Variants in SLC26A7 observed in about 807,000 individuals in gnomAD.
SLC26A7 encodes solute carrier family 26 member 7.
A neutral mutation model predicts 82.5 loss-of-function variants in SLC26A7; 59 were observed. That is an observed-to-expected ratio of 0.72 (90% confidence interval 0.58 to 0.89). The LOEUF (loss-of-function observed/expected upper bound fraction) is 0.89. SLC26A7 is among the 40% of genes least tolerant of loss of function. The probability of loss-of-function intolerance (pLI) is 0.00; values close to 1 mark genes in which losing one functional copy is unlikely to be tolerated. For synonymous variants in SLC26A7, 271 were observed against 274.3 expected (o/e 0.99, Z 0.12); for missense variants, 820 against 793.0 (o/e 1.03, Z -0.41).
At chr8:91,210,562 GACACACACACAC>G (rs35968986) in intron 1 of SLC26A7, among the ~76,000 whole-genome samples, 17 of 146,188 alleles carry the variant, frequency 1.2e-4, no homozygotes, top group East Asian at 4.2e-4. Context: ...CACACACACA[GACACACACACAC>G]ACACACACAC....
At chr8:91,314,465 G>A (rs1812575636) in intron 4 of SLC26A7, among the ~76,000 whole-genome samples, 1 of 152,074 alleles carries the variant, frequency 6.6e-6, no homozygotes, top group African/African-American at 2.4e-5. Flanking sequence ...AAATTTGAGT[G>A]GTGGGAAAGA....
At chr8:91,241,410 T>A (rs1396215469) in intron 2 of SLC26A7, among the ~76,000 whole-genome samples, 1 of 152,184 alleles carries the variant, frequency 6.6e-6, no homozygotes, top group Non-Finnish European at 1.5e-5. Flanking sequence ...CACTTTTCTA[T>A]ACTTTCTGAA....
intron 18 of SLC26A7, 31 bp from the exon 19 acceptor site, chr8:91,395,028 TAGC>T (rs1808530593): frequency 1.2e-6 from 2 of 1,606,182 alleles, no homozygotes; most frequent in African/African-American, 2.7e-5. Context: ...GTTGAGTAAA[TAGC>T]ACATACTTAC....
intron 3 of SLC26A7, 86 bp from the exon 4 acceptor site, chr8:91,295,445 A>G: frequency 1.4e-6 from 2 of 1,470,346 alleles, no homozygotes; most frequent in Middle Eastern, 1.8e-4. Context: ...TGGTTTCACA[A>G]TGTAGCTTCG....
intron 4 of SLC26A7, among the ~76,000 whole-genome samples, chr8:91,309,248 G>A (rs780695276): frequency 4.0e-5 from 6 of 151,134 alleles, no homozygotes; most frequent in African/African-American, 1.5e-4. Flanking sequence ...TATACGTTAT[G>A]TATATTAATT....
rs1026484193 is a variant in SLC26A7, at chr8:91,393,791, T to C, written c.1777-6T>C. The C allele has an allele frequency of 6.2e-7, 1 of 1,613,276 alleles. No individual in the cohort carries two copies. The highest frequency in any genetic ancestry group is 1.3e-5 in the African/African-American group (1 of 74,922). ...AATTGTGGGTATCCTATTTTAATTC[T>C]TCCAGGTTTACATGGACTGTAAAGG... On this transcript the variant is annotated splice_region_variant and splice_polypyrimidine_tract_variant and intron_variant, in intron 16 of 18. Coordinates refer to ENST00000276609, the MANE Select transcript of SLC26A7 (RefSeq NM_052832.4).
intron 2 of SLC26A7, among the ~76,000 whole-genome samples, chr8:91,262,641 C>T (rs1157601937): frequency 1.3e-5 from 2 of 151,742 alleles, no homozygotes; most frequent in African/African-American, 2.4e-5. Context: ...TGTAGGCCCA[C>T]AAGAATAGGA....
At chr8:91,359,588 G>T (rs989460662) in intron 11 of SLC26A7, among the ~76,000 whole-genome samples, 1 of 152,138 alleles carries the variant, frequency 6.6e-6, no homozygotes, top group African/African-American at 2.4e-5. Flanking sequence ...TATAGCAGGC[G>T]CATGATGATT....
At chr8:91,341,108 G>C (rs1813398856) in intron 8 of SLC26A7, among the ~76,000 whole-genome samples, 1 of 151,694 alleles carries the variant, frequency 6.6e-6, no homozygotes, top group African/African-American at 2.4e-5. Context: ...TCTAGCGTTA[G>C]GTATATCTCC....
intron 5 of SLC26A7, among the ~76,000 whole-genome samples, chr8:91,325,418 C>G (rs1416834158): frequency 6.6e-6 from 1 of 152,126 alleles, no homozygotes; most frequent in Non-Finnish European, 1.5e-5. Flanking sequence ...AAATTCCTCT[C>G]CCTTCAGGAA....
At chr8:91,248,609 A>C (rs1810581178), upstream of SLC26A7, among the ~76,000 whole-genome samples, 2 of 152,120 alleles carry the variant, frequency 1.3e-5, no homozygotes, top group South Asian at 4.1e-4. Context: ...AATCTTTGAC[A>C]GTCTGTTCTA....
In SLC26A7 at chr8:91,249,667, A is replaced by T; in HGVS notation, c.16A>T (p.Arg6Trp). The stretch of plus-strand genomic sequence containing the variant: ...AATCTGAAAAATGACAGGAGCAAAG[A>T]GGAAAAAGAAAAGCATGCTTTGGAG... MTGAK[R>W]KKKSMLWSKM... The change falls in exon 2 of 19, where the codon AGG becomes TGG. Residue 6 changes from arginine to tryptophan, a missense_variant. Coordinates refer to ENST00000276609, the MANE Select transcript of SLC26A7 (RefSeq NM_052832.4). 1 of 1,539,138 alleles carries T rather than the reference A, an allele frequency of 6.5e-7. No individual in the cohort carries two copies. The highest frequency in any genetic ancestry group is 8.7e-7 in the Non-Finnish European group (1 of 1,146,828).
intron 1 of SLC26A7, among the ~76,000 whole-genome samples, chr8:91,217,610 A>G (rs143288643): frequency 5.6e-4 from 86 of 152,216 alleles, no homozygotes; most frequent in African/African-American, 1.9e-3. Flanking sequence ...TTACATGGTC[A>G]TATATTGAGC....
chr8:91,382,182 A>G (rs562180699), intron 15 of SLC26A7, among the ~76,000 whole-genome samples: 1 of 152,326 alleles, frequency 6.6e-6, no homozygotes, highest in East Asian at 1.9e-4. Flanking sequence ...CTGTGACATA[A>G]TAACAGATTA....
chr8:91,351,890 A>T lies in SLC26A7; in HGVS notation c.1218+3A>T. 1.2e-6 allele frequency: 2 copies of T among 1,600,170 alleles called. No homozygotes were observed. Among genetic ancestry groups the T allele is most frequent in the Non-Finnish European group, 1.7e-6 (2 of 1,168,264 alleles). The stretch of plus-strand genomic sequence containing the variant: ...CTTTGCTTTACTGGCTGCCCATGGT[A>T]CGGTAGTGCTTTTTCACTATCTACT... On this transcript the variant is annotated splice_donor_region_variant and intron_variant, in intron 10 of 18. Transcript: ENST00000276609.
intron 4 of SLC26A7, among the ~76,000 whole-genome samples, chr8:91,299,257 G>T (rs1391561843): frequency 6.6e-6 from 1 of 152,010 alleles, no homozygotes; most frequent in Non-Finnish European, 1.5e-5. Flanking sequence ...TAATTTGGCA[G>T]TTGTACTTTG....
intron 11 of SLC26A7, among the ~76,000 whole-genome samples, chr8:91,359,423 A>C (rs1049900782): frequency 2.0e-5 from 3 of 152,218 alleles, no homozygotes; most frequent in Non-Finnish European, 4.4e-5. Context: ...ATGAGTTTGC[A>C]TTTGGACATG....
rs9297895 is a variant in SLC26A7 at position 91,395,296 on chromosome 8, G to A, written c.*199G>A. The A allele has an allele frequency of 0.094, 124,018 of 1,315,446 alleles. 6,906 individuals carry two copies. The highest frequency in any genetic ancestry group is 0.24 in the African/African-American group (15,916 of 66,678). The allele number at this position is 1,315,446 out of a possible 1,614,324, so 81.5% of individuals were successfully genotyped here. Reference sequence around the variant, plus strand: ...CTCATTTTTGTTAGTAAGAAGATTCGCTTAGTTATTTTATGTAAAAATCAG... The same window carrying A: ...CTCATTTTTGTTAGTAAGAAGATTCACTTAGTTATTTTATGTAAAAATCAG... On this transcript the variant is annotated 3_prime_UTR_variant, in exon 19 of 19. Coordinates refer to ENST00000276609, the MANE Select transcript of SLC26A7 (RefSeq NM_052832.4).
At chr8:91,361,658 G>T (rs1402237197) in intron 11 of SLC26A7, among the ~76,000 whole-genome samples, 1 of 152,026 alleles carries the variant, frequency 6.6e-6, no homozygotes, top group Non-Finnish European at 1.5e-5. Context: ...ATATCTTGTT[G>T]CAAATTATAA....
Sources: allele counts gnomAD v4.1 joint callset (sites outside exome capture counted in the v4.1 genomes callset), GRCh38; gene constraint gnomAD v4.1.1; transcripts MANE v1.5; gene names NCBI Gene and HGNC (gene_info 2026-07-23, HGNC 2026-07-21).